Variants in SGCZ observed in about 807,000 individuals in gnomAD.
SGCZ encodes the protein zeta-sarcoglycan.
SGCZ carries 40 observed loss-of-function variants against 41.3 expected under a neutral mutation model. That is an observed-to-expected ratio of 0.97 (90% CI 0.75 to 1.26). The LOEUF (loss-of-function observed/expected upper bound fraction) is 1.26. Ranked by LOEUF, SGCZ falls within the 50% of genes most tolerant of loss-of-function variation. The pLI is 0.00. For missense variants in SGCZ, 552 were observed against 369.8 expected (o/e 1.49, Z -4.04); for synonymous variants, 206 against 137.5 (o/e 1.50, Z -3.49).
chr8:14,811,360 G>C (rs1231495873), intron 1 of SGCZ, among the ~76,000 whole-genome samples: 1 of 151,720 alleles, frequency 6.6e-6, no homozygotes, highest in East Asian at 1.9e-4. Flanking sequence ...ATGAGCTGTA[G>C]TGCTTTAATA....
At chr8:14,339,709 C>T (rs544936932) in intron 2 of SGCZ, among the ~76,000 whole-genome samples, 11 of 151,990 alleles carry the variant, frequency 7.2e-5, no homozygotes, top group Non-Finnish European at 1.3e-4. Flanking sequence ...CATGCAGCTA[C>T]CTGAAGCAAA....
intron 1 of SGCZ, among the ~76,000 whole-genome samples, chr8:14,836,276 A>G (rs1802698978): frequency 1.3e-5 from 2 of 152,222 alleles, no homozygotes; most frequent in South Asian, 4.1e-4. Context: ...CTTATGCTGA[A>G]TTCTGAAATT....
intron 2 of SGCZ, among the ~76,000 whole-genome samples, chr8:14,496,669 G>T (rs997077667): frequency 3.3e-5 from 5 of 151,942 alleles, no homozygotes; most frequent in Admixed American, 6.6e-5. Context: ...TATCATTATT[G>T]TTTCCTAGAA....
chr8:14,469,684 C>A (rs1413889612), intron 2 of SGCZ, among the ~76,000 whole-genome samples: 1 of 152,032 alleles, frequency 6.6e-6, no homozygotes, highest in East Asian at 1.9e-4. Flanking sequence ...AACTTTCAAC[C>A]TCACCCCTGG....
chr8:14,749,792 G>A (rs191896699), intron 1 of SGCZ, among the ~76,000 whole-genome samples: 2 of 152,052 alleles, frequency 1.3e-5, no homozygotes, highest in Non-Finnish European at 2.9e-5. Context: ...TAAAGTCTGT[G>A]ATCCTGCCTC....
intron 1 of SGCZ, among the ~76,000 whole-genome samples, chr8:15,156,997 C>G (rs960288392): frequency 6.6e-6 from 1 of 150,936 alleles, no homozygotes; most frequent in Non-Finnish European, 1.5e-5. Flanking sequence ...AAAGCAAGCA[C>G]TTCTCAAATA....
chr8:14,818,330 T>C (rs1448683592), intron 1 of SGCZ, among the ~76,000 whole-genome samples: 2 of 152,124 alleles, frequency 1.3e-5, no homozygotes, highest in Non-Finnish European at 2.9e-5. Context: ...CATCACAAAC[T>C]GTACAGCCTA....
intron 2 of SGCZ, among the ~76,000 whole-genome samples, chr8:14,336,567 G>C (rs1286459826): frequency 6.6e-6 from 1 of 152,102 alleles, no homozygotes; most frequent in Non-Finnish European, 1.5e-5. Flanking sequence ...CAGTGTATAA[G>C]CATTCTCTTT....
intron 1 of SGCZ, among the ~76,000 whole-genome samples, chr8:14,798,767 C>A (rs80226595): frequency 0.012 from 1,841 of 151,938 alleles, 21 homozygotes; most frequent in Non-Finnish European, 0.02. Context: ...ACAGCATGTA[C>A]CTAAATAATC....
intron 1 of SGCZ, among the ~76,000 whole-genome samples, chr8:15,083,765 C>T (rs1454588): frequency 0.83 from 125,507 of 151,978 alleles, 52,857 homozygotes; most frequent in Non-Finnish European, 0.91. Flanking sequence ...GTTGTTTTGT[C>T]TTGTTTTGTT....
chr8:14,599,129 C>T (rs1253508019), intron 1 of SGCZ, among the ~76,000 whole-genome samples: 1 of 152,110 alleles, frequency 6.6e-6, no homozygotes, highest in African/African-American at 2.4e-5. Flanking sequence ...TCTTCATCTC[C>T]GTACATCAAT....
intron 2 of SGCZ, among the ~76,000 whole-genome samples, chr8:14,433,789 C>T (rs187480890): frequency 6.6e-6 from 1 of 152,130 alleles, no homozygotes; most frequent in African/African-American, 2.4e-5. Context: ...GTACTAACAT[C>T]AGAATTGTCT....
chr8:14,761,667 C>T (rs1361953429), intron 1 of SGCZ, among the ~76,000 whole-genome samples: 2 of 151,504 alleles, frequency 1.3e-5, no homozygotes, highest in East Asian at 1.9e-4. Context: ...CTGGGATTAC[C>T]GGTATGCGCC....
chr8:14,103,249 T>TATC (rs1226550748), intron 6 of SGCZ, among the ~76,000 whole-genome samples: 2 of 149,996 alleles, frequency 1.3e-5, no homozygotes, highest in African/African-American at 4.9e-5. Context: ...GTTTTCAAAC[T>TATC]ATCTTCAAAT....
chr8:14,243,011 T>C (rs1798944978), intron 3 of SGCZ, among the ~76,000 whole-genome samples: 1 of 152,250 alleles, frequency 6.6e-6, no homozygotes, highest in Non-Finnish European at 1.5e-5. Context: ...ACTTTGCTGC[T>C]ATCATCCAGG....
At chr8:14,249,017 G>C (rs1294319325) in intron 3 of SGCZ, among the ~76,000 whole-genome samples, 5 of 152,138 alleles carry the variant, frequency 3.3e-5, no homozygotes, top group Non-Finnish European at 7.4e-5. Flanking sequence ...GGTTAGTTTT[G>C]TGTCAGTTAG....
chr8:14,781,222 A>T (rs1487444171), intron 1 of SGCZ, among the ~76,000 whole-genome samples: 1 of 152,072 alleles, frequency 6.6e-6, no homozygotes, highest in African/African-American at 2.4e-5. Flanking sequence ...TCCTTTTTAA[A>T]AATATAATTA....
intron 2 of SGCZ, among the ~76,000 whole-genome samples, chr8:14,497,703 C>T (rs147089514): frequency 2.2e-3 from 338 of 152,114 alleles, no homozygotes; most frequent in Non-Finnish European, 4.3e-3. Context: ...ACTGGACATT[C>T]CTGTGCTAAA....
chr8:14,975,291 G>A (rs1801428649), intron 1 of SGCZ, among the ~76,000 whole-genome samples: 1 of 151,996 alleles, frequency 6.6e-6, no homozygotes, highest in African/African-American at 2.4e-5. Context: ...GGGCGACAGA[G>A]CAAAACTCCA....
Sources: allele counts gnomAD v4.1 joint callset (sites outside exome capture counted in the v4.1 genomes callset), GRCh38; gene constraint gnomAD v4.1.1; transcripts MANE v1.5; gene names NCBI Gene and HGNC (gene_info 2026-07-23, HGNC 2026-07-21).